DCLK1: variants seen among roughly 807,000 people sequenced by gnomAD.
The protein encoded by DCLK1 is serine/threonine-protein kinase DCLK1.
In DCLK1, 16 loss-of-function variants were observed where a neutral mutation model predicts 86.2. The ratio of observed to expected loss-of-function variants is 0.19; its 90% CI spans 0.13 to 0.28. DCLK1 has a LOEUF of 0.28. Ranked by LOEUF, DCLK1 falls within the 10% of genes least tolerant of loss-of-function variation. The pLI is 1.00. For missense variants in DCLK1, 590 were observed against 940.2 expected (o/e 0.63, Z 4.87); for synonymous variants, 369 against 370.5 (o/e 1.00, Z 0.05).
chr13:35,811,636 C>T (rs1472540896), intron 11 of DCLK1, among the ~76,000 whole-genome samples: 1 of 152,038 alleles, frequency 6.6e-6, no homozygotes, highest in African/African-American at 2.4e-5. Context: ...GGGTTCAAGA[C>T]CAGCCTGGCC....
At chr13:36,119,378 A>G (rs944974563) in intron 2 of DCLK1, among the ~76,000 whole-genome samples, 6 of 152,242 alleles carry the variant, frequency 3.9e-5, no homozygotes, top group African/African-American at 1.2e-4. Flanking sequence ...AGAACACTAT[A>G]GTAATAACTG....
intron 3 of DCLK1, among the ~76,000 whole-genome samples, chr13:36,033,827 A>C (rs963245472): frequency 6.6e-6 from 1 of 152,210 alleles, no homozygotes; most frequent in African/African-American, 2.4e-5. Flanking sequence ...AGGGAGGCTG[A>C]GGCAGGAGAA....
At chr13:35,885,116 A>G (rs1474577501) in intron 4 of DCLK1, among the ~76,000 whole-genome samples, 1 of 152,162 alleles carries the variant, frequency 6.6e-6, no homozygotes, top group Non-Finnish European at 1.5e-5. Flanking sequence ...GTGGGCATCA[A>G]GCTTGATCGG....
chr13:36,089,284 ATTAC>A (rs1291626247), intron 3 of DCLK1, among the ~76,000 whole-genome samples: 2 of 152,208 alleles, frequency 1.3e-5, no homozygotes, highest in African/African-American at 4.8e-5. Context: ...AAAACCTCAC[ATTAC>A]AAACTGTTGG....
chr13:35,781,697 A>G (rs962657828), intron 16 of DCLK1, among the ~76,000 whole-genome samples: 1 of 152,198 alleles, frequency 6.6e-6, no homozygotes, highest in Non-Finnish European at 1.5e-5. Flanking sequence ...TAATAAAAGA[A>G]CATTATTGTG....
chr13:35,834,979 T>C (rs777048402), intron 8 of DCLK1, among the ~76,000 whole-genome samples: 3 of 152,142 alleles, frequency 2.0e-5, no homozygotes, highest in Non-Finnish European at 4.4e-5. Context: ...TAAGTGACTA[T>C]TGGCCAAATG....
chr13:36,063,344 C>G (rs557394139), intron 3 of DCLK1, among the ~76,000 whole-genome samples: 72 of 152,226 alleles, frequency 4.7e-4, no homozygotes, highest in African/African-American at 1.7e-3. Context: ...GCTGAAGAGC[C>G]AGAGAGAACG....
At chr13:35,995,334 G>A (rs909693035) in intron 3 of DCLK1, among the ~76,000 whole-genome samples, 3 of 152,076 alleles carry the variant, frequency 2.0e-5, no homozygotes, top group African/African-American at 7.2e-5. Context: ...ACTTTATTAC[G>A]AAATCTAATT....
At chr13:35,873,155 G>A (rs955063974) in intron 4 of DCLK1, among the ~76,000 whole-genome samples, 27 of 151,930 alleles carry the variant, frequency 1.8e-4, no homozygotes, top group Admixed American at 6.6e-4. Context: ...AAAATTAGCC[G>A]GGTATGGTGG....
intron 16 of DCLK1, among the ~76,000 whole-genome samples, chr13:35,779,887 G>A (rs1361906378): frequency 1.3e-5 from 2 of 151,858 alleles, no homozygotes; most frequent in Admixed American, 6.6e-5. Flanking sequence ...TGGGACAGAT[G>A]AAGTTACCAA....
intron 2 of DCLK1, among the ~76,000 whole-genome samples, chr13:36,123,952 G>A (rs561166011): frequency 3.3e-4 from 50 of 152,336 alleles, no homozygotes; most frequent in Middle Eastern, 3.4e-3. Flanking sequence ...CTTGGTGGAT[G>A]GGAGTCATTG....
rs1174545505 is a variant in DCLK1, at chr13:36,045,332, GTATATATA to G, written c.723+66529_723+66536del. On this transcript the variant is annotated intron_variant, in intron 3 of 16. Coordinates refer to ENST00000360631, the MANE Select transcript of DCLK1 (RefSeq NM_001330071.2). ...TATGTCTATATATGTGTGTGTGTGTGTATATATATATATATATATATATATATATATAT... is the reference window on the plus strand; with the variant it reads ...TATGTCTATATATGTGTGTGTGTGTGTATATATATATATATATATATATAT... Among the ~76,000 whole-genome samples the G allele has an allele frequency of 8.4e-3, 471 of 55,744 alleles. 4 individuals carry two copies. The highest frequency in any genetic ancestry group is 0.042 in the Middle Eastern group (3 of 72). 36.6% of individuals were successfully genotyped at this position (55,744 alleles called of 152,430 possible). A position where few individuals can be genotyped will look rare whatever the true frequency, so the allele number is the denominator to read the frequency against.
chr13:36,079,400 C>T (rs576955179), intron 3 of DCLK1, among the ~76,000 whole-genome samples: 23 of 152,156 alleles, frequency 1.5e-4, no homozygotes, highest in East Asian at 5.8e-4. Context: ...GAGGCTGAGG[C>T]GGGAGGATCG....
At chr13:35,813,794 T>C (rs2087205652) in intron 11 of DCLK1, among the ~76,000 whole-genome samples, 1 of 149,740 alleles carries the variant, frequency 6.7e-6, no homozygotes, top group Admixed American at 6.7e-5. Context: ...ATAAAGAGGT[T>C]CAAGGGACAC....
At chr13:35,830,708 G>A (rs1868883885) in intron 8 of DCLK1, among the ~76,000 whole-genome samples, 1 of 152,142 alleles carries the variant, frequency 6.6e-6, no homozygotes. Flanking sequence ...CCATTGCACT[G>A]CCTGCCTGGG....
chr13:36,111,794 G>T, intron 3 of DCLK1, 75 bp downstream of exon 3: 1 of 1,366,788 alleles, frequency 7.3e-7, no homozygotes, highest in Non-Finnish European at 1.0e-6. Context: ...CAAAATGTAT[G>T]CTTTAGCCAC....
intron 6 of DCLK1, among the ~76,000 whole-genome samples, chr13:35,841,708 G>C (rs1027262040): frequency 6.6e-6 from 1 of 152,126 alleles, no homozygotes; most frequent in Non-Finnish European, 1.5e-5. Context: ...GTCATACAGA[G>C]TTCTCTGAAA....
intron 16 of DCLK1, chr13:35,787,938 T>G (rs2086650749): frequency 2.4e-6 from 1 of 419,236 alleles, no homozygotes; most frequent in Non-Finnish European, 4.4e-6. Context: ...GCTTTGGCAT[T>G]AGCACTAAAT....
chr13:35,872,292 C>A (rs2153114866), intron 4 of DCLK1, among the ~76,000 whole-genome samples: 1 of 152,244 alleles, frequency 6.6e-6, no homozygotes, highest in Non-Finnish European at 1.5e-5. Context: ...GGTATAGAAA[C>A]TTCTAGAATT....
Sources: gnomAD v4.1 joint callset for allele counts (sites outside exome capture counted in the v4.1 genomes callset) on GRCh38, gnomAD v4.1.1 for gene constraint, MANE v1.5 for transcripts, NCBI Gene and HGNC (gene_info 2026-07-23, HGNC 2026-07-21) for gene names.